The following MEI1 variants were observed in gnomAD, a reference collection of about 807,000 sequenced individuals.
The protein encoded by MEI1 is meiotic double-stranded break formation protein 1.
MEI1 carries 103 observed loss-of-function variants against 146.2 expected under a neutral mutation model. The ratio of observed to expected loss-of-function variants is 0.70; its 90% confidence interval spans 0.60 to 0.83. The LOEUF (loss-of-function observed/expected upper bound fraction) is 0.83. Among genes scored for constraint, MEI1 ranks in the 40% least tolerant of loss-of-function variants. The pLI, the probability that MEI1 is intolerant of heterozygous loss-of-function variation, is 0.00. For missense variants in MEI1, 1,529 were observed against 1,533.0 expected, an observed-to-expected ratio of 1.00 and a Z score of 0.04; for synonymous variants, 652 against 628.2, an observed-to-expected ratio of 1.04 and a Z score of -0.57.
chr22:41,747,572 C>T (rs1478465051), intron 14 of MEI1, among the ~76,000 whole-genome samples: 2 of 151,880 alleles, frequency 1.3e-5, no homozygotes, highest in African/African-American at 2.4e-5. Context: ...GGCGTGATGG[C>T]GCATGACTGT....
chr22:41,730,621 G>A lies in MEI1; in HGVS notation c.1080G>A (p.Lys360=). The A allele has an allele frequency of 6.2e-7, 1 of 1,612,670 alleles. No homozygotes were observed. Among genetic ancestry groups the A allele is most frequent in the Non-Finnish European group, 8.5e-7 (1 of 1,178,824 alleles). The change falls in exon 9 of 31, where the codon AAG becomes AAA. Residue 360 remains lysine (K), a synonymous_variant. Coordinates refer to ENST00000401548, the MANE Select transcript of MEI1 (RefSeq NM_152513.4). ...LLVEEPLFFS[K]CHTVYGIEAV... ...TAGAAGAGCCACTCTTTTTTTCCAA[G>A]TGCCACACGGTGTATGGTTGGTAGT...
At chr22:41,726,230 A>C (rs1477889320) in intron 7 of MEI1, among the ~76,000 whole-genome samples, 1 of 147,462 alleles carries the variant, frequency 6.8e-6, no homozygotes, top group Non-Finnish European at 1.5e-5. Flanking sequence ...CAGCAAGAAA[A>C]GAAAAGAACT....
chr22:41,731,521 A>AT (rs5845507), intron 9 of MEI1, among the ~76,000 whole-genome samples: 96,932 of 151,724 alleles, frequency 0.64, 34,110 homozygotes, highest in East Asian at 0.92. Flanking sequence ...CACCTGGCTA[A>AT]TTTTTTTGTA....
At chr22:41,716,476 A>C (rs2070189082) in intron 5 of MEI1, among the ~76,000 whole-genome samples, 1 of 144,438 alleles carries the variant, frequency 6.9e-6, no homozygotes, top group Admixed American at 7.3e-5. Flanking sequence ...TCCCGGGTTC[A>C]AGCGATTCTC....
intron 1 of MEI1, among the ~76,000 whole-genome samples, chr22:41,702,372 C>G (rs775137309): frequency 2.0e-5 from 3 of 152,056 alleles, no homozygotes; most frequent in South Asian, 4.2e-4. Flanking sequence ...AATGCCTGAC[C>G]TCAGGTGAGC....
chr22:41,714,078 C>G lies in MEI1; in HGVS notation c.423+3C>G. 1 of 1,593,722 alleles carries G rather than the reference C, an allele frequency of 6.3e-7. No individual in the cohort carries two copies. Reference sequence around the variant, plus strand: ...TGCTGGATGAGTGCCACAAAGAGGTCAGAAAATAGCTATGGGTTCTTGAGT... The same window carrying G: ...TGCTGGATGAGTGCCACAAAGAGGTGAGAAAATAGCTATGGGTTCTTGAGT... On this transcript the variant is annotated splice_donor_region_variant and intron_variant, in intron 4 of 30. Transcript: ENST00000401548.
intron 26 of MEI1, among the ~76,000 whole-genome samples, chr22:41,789,406 C>T (rs1001868062): frequency 1.8e-4 from 28 of 152,112 alleles, no homozygotes; most frequent in African/African-American, 6.8e-4. Flanking sequence ...TCAAGCAATC[C>T]TCTGGCTTTG....
At chr22:41,777,301 A>G (rs2075495904) in intron 21 of MEI1, among the ~76,000 whole-genome samples, 1 of 151,738 alleles carries the variant, frequency 6.6e-6, no homozygotes, top group Admixed American at 6.6e-5. Context: ...AATTACAGGC[A>G]TGCGCCACTG....
At chr22:41,738,295 A>C (rs2147684836) in intron 11 of MEI1, among the ~76,000 whole-genome samples, 1 of 152,036 alleles carries the variant, frequency 6.6e-6, no homozygotes, top group South Asian at 2.1e-4. Flanking sequence ...TTTACTAAAA[A>C]TACAAAAATT....
At chr22:41,735,625 A>T (rs181683166) in intron 11 of MEI1, among the ~76,000 whole-genome samples, 1 of 152,304 alleles carries the variant, frequency 6.6e-6, no homozygotes, top group East Asian at 1.9e-4. Flanking sequence ...AGAGGGCCAA[A>T]TTATACTTCC....
At chr22:41,781,177 T>A (rs946661073) in intron 22 of MEI1, 107 bp from the exon 23 acceptor site, 3 of 752,120 alleles carry the variant, frequency 4.0e-6, no homozygotes, top group Non-Finnish European at 6.8e-6. Flanking sequence ...ACTTAGTTTG[T>A]GCTTGCTCCC....
chr22:41,723,699 CTA>C (rs1160757253), intron 6 of MEI1, among the ~76,000 whole-genome samples: 2 of 152,100 alleles, frequency 1.3e-5, no homozygotes, highest in Non-Finnish European at 2.9e-5. Context: ...GGCAGTCGGG[CTA>C]TGTTTATCTT....
Position 41,730,850 on chromosome 22 carries a change from A to T in MEI1, c.1096+213A>T, listed in dbSNP as rs559946950. Among the ~76,000 whole-genome samples the T allele has an allele frequency of 3.3e-5, 5 of 152,262 alleles. No individual in the cohort carries two copies. The South Asian group carries it at 1.0e-3, about 32-fold the overall frequency. The stretch of plus-strand genomic sequence containing the variant: ...CTGATTATCGGAAGTATATATGTTT[A>T]GACGCTTCAGCAAGGGAAGGACACT... On this transcript the variant is annotated intron_variant, in intron 9 of 30. Coordinates refer to ENST00000401548, the MANE Select transcript of MEI1 (RefSeq NM_152513.4).
At chr22:41,767,496 C>T in intron 19 of MEI1, 2 of 446,398 alleles carry the variant, frequency 4.5e-6, no homozygotes, top group Middle Eastern at 3.3e-4. Flanking sequence ...TCCCCAATAG[C>T]CAGAGTGTGG....
chr22:41,769,960 C>A (rs1484776463), intron 19 of MEI1, among the ~76,000 whole-genome samples: 1 of 151,322 alleles, frequency 6.6e-6, no homozygotes, highest in African/African-American at 2.4e-5. Context: ...CATGGAGGAA[C>A]TCCGTCTCTA....
intron 3 of MEI1, among the ~76,000 whole-genome samples, chr22:41,711,321 C>A (rs1415915497): frequency 6.6e-6 from 1 of 152,168 alleles, no homozygotes; most frequent in Non-Finnish European, 1.5e-5. Flanking sequence ...TATAGGCGCC[C>A]GCCATTGCGC....
At chr22:41,776,401 A>G in intron 21 of MEI1, 134 bp downstream of exon 21, 1 of 972,502 alleles carries the variant, frequency 1.0e-6, no homozygotes, top group South Asian at 1.6e-5. Context: ...CCATTGTGGC[A>G]TCAAGCTAAA....
At chr22:41,759,632 A>AAATAAATAAATGAATAAAT (rs1569268709) in intron 18 of MEI1, among the ~76,000 whole-genome samples, 2 of 135,644 alleles carry the variant, frequency 1.5e-5, no homozygotes, top group South Asian at 2.3e-4. Flanking sequence ...TCCGTCTCAA[A>AAATAAATAAATGAATAAAT]AAATAAATAA....
At chr22:41,787,362 C>G (rs1242465346) in intron 26 of MEI1, among the ~76,000 whole-genome samples, 3 of 152,126 alleles carry the variant, frequency 2.0e-5, no homozygotes, top group Non-Finnish European at 4.4e-5. Flanking sequence ...CACCCAACAC[C>G]TAGATTCTAC....
Sources: allele counts gnomAD v4.1 joint callset (sites outside exome capture counted in the v4.1 genomes callset), GRCh38; gene constraint gnomAD v4.1.1; transcripts MANE v1.5; gene names NCBI Gene and HGNC (gene_info 2026-07-23, HGNC 2026-07-21).